PDE10A: variants seen among roughly 807,000 people sequenced by gnomAD.
PDE10A encodes the protein cAMP and cAMP-inhibited cGMP 3',5'-cyclic phosphodiesterase 10A.
In PDE10A, 39 loss-of-function variants were observed where a neutral mutation model predicts 97.7. That is an observed-to-expected ratio of 0.40 (90% CI 0.31 to 0.52). The LOEUF (loss-of-function observed/expected upper bound fraction) is 0.52, where lower values mean the gene tolerates loss of function less well. Among genes scored for constraint, PDE10A ranks in the 20% least tolerant of loss-of-function variants. The pLI, the probability that PDE10A is intolerant of heterozygous loss-of-function variation, is 0.56. For missense variants in PDE10A, 731 were observed against 1,047.8 expected, an observed-to-expected ratio of 0.70 and a Z score of 4.17; for synonymous variants, 371 against 376.8, an observed-to-expected ratio of 0.98 and a Z score of 0.18.
intron 4 of PDE10A, among the ~76,000 whole-genome samples, chr6:165,449,737 AAAAC>A (rs1183573512): frequency 1.3e-5 from 2 of 152,208 alleles, no homozygotes; most frequent in African/African-American, 4.8e-5. Context: ...TTCAAATTAA[AAAAC>A]AAAAGATACA....
chr6:165,372,005 A>T (rs1255338601), intron 18 of PDE10A, among the ~76,000 whole-genome samples: 1 of 150,544 alleles, frequency 6.6e-6, no homozygotes, highest in Non-Finnish European at 1.5e-5. Context: ...GCTGCAGAAA[A>T]GGCCTTTGAC....
chr6:165,435,429 C>T (rs928292278), intron 5 of PDE10A, 52 bp from the exon 6 acceptor site: 3 of 1,462,890 alleles, frequency 2.1e-6, no homozygotes, highest in Non-Finnish European at 2.8e-6. Flanking sequence ...GTGCATAGTA[C>T]AAAAAGACAC....
At chr6:165,455,644 G>A (rs576922239) in intron 3 of PDE10A, among the ~76,000 whole-genome samples, 4 of 152,266 alleles carry the variant, frequency 2.6e-5, no homozygotes, top group Admixed American at 2.0e-4. Flanking sequence ...TGAGAGCCTC[G>A]GCTGTAGAAG....
At position 165,671,240 on chromosome 6, in the gene PDE10A, CT is replaced by C. The variant is rs1183582734; in HGVS notation, c.-614-127673del. ...TCTGGTGATAGGCTAGAGTGAAACC[CT>C]CTTCTGTTTTTTTAACTACCTTGAT... is the stretch of plus-strand genomic sequence containing the variant. On this transcript the variant is annotated intron_variant, in intron 1 of 19. Transcript: ENST00000366882. The surrounding 1 kb of genome is among the most constrained non-coding windows in gnomAD (Gnocchi z 4.6). Among the ~76,000 whole-genome samples the C allele has an allele frequency of 6.6e-6, 1 of 151,936 alleles. No individual in the cohort carries two copies. The highest frequency in any genetic ancestry group is 1.5e-5 in the Non-Finnish European group (1 of 67,996).
chr6:165,547,994 T>C (rs940332378), intron 1 of PDE10A, among the ~76,000 whole-genome samples: 34 of 152,168 alleles, frequency 2.2e-4, no homozygotes, highest in African/African-American at 8.2e-4. Flanking sequence ...TGTATAAATA[T>C]ACATTTAAAA....
intron 1 of PDE10A, among the ~76,000 whole-genome samples, chr6:165,892,091 G>A (rs1029197598): frequency 6.6e-6 from 1 of 152,106 alleles, no homozygotes; most frequent in Non-Finnish European, 1.5e-5. Flanking sequence ...GAAGGAAAAA[G>A]TATTTATACA....
chr6:165,445,488 C>A (rs1339010884), intron 5 of PDE10A, among the ~76,000 whole-genome samples: 1 of 152,126 alleles, frequency 6.6e-6, no homozygotes, highest in Non-Finnish European at 1.5e-5. Context: ...AAAGTTGGGG[C>A]CTTTCTGTGA....
At chr6:165,386,982 C>T (rs898142924) in intron 17 of PDE10A, among the ~76,000 whole-genome samples, 5 of 151,982 alleles carry the variant, frequency 3.3e-5, no homozygotes, top group African/African-American at 1.2e-4. Context: ...CGCCACTGCA[C>T]TCCAGCCTGG....
chr6:165,367,687 G>A (rs1042910326), intron 18 of PDE10A, among the ~76,000 whole-genome samples: 26 of 150,476 alleles, frequency 1.7e-4, no homozygotes, highest in African/African-American at 6.3e-4. Flanking sequence ...GAGGCCAGAA[G>A]ACCATTTACT....
intron 20 of PDE10A, among the ~76,000 whole-genome samples, chr6:165,338,457 C>T (rs564970444): frequency 6.6e-6 from 1 of 152,280 alleles, no homozygotes; most frequent in Admixed American, 6.5e-5. Context: ...CACACATACA[C>T]ATGTGCAAAA....
intron 13 of PDE10A, among the ~76,000 whole-genome samples, chr6:165,397,195 G>A (rs1245300918): frequency 6.6e-6 from 1 of 152,086 alleles, no homozygotes; most frequent in Admixed American, 6.6e-5. Context: ...ATTAATATGT[G>A]AGATAAAACA....
intron 2 of PDE10A, among the ~76,000 whole-genome samples, chr6:165,501,002 T>G (rs933103607): frequency 2.0e-5 from 3 of 151,968 alleles, no homozygotes; most frequent in Admixed American, 6.6e-5. Flanking sequence ...CTGCTGACCC[T>G]CTCCCCACTA....
chr6:165,963,883 A>C (rs1422192248), intron 1 of PDE10A, among the ~76,000 whole-genome samples: 1 of 152,064 alleles, frequency 6.6e-6, no homozygotes, highest in Non-Finnish European at 1.5e-5. Context: ...CACCTGCCAA[A>C]CTCTGACTGA....
At chr6:165,508,846 T>C (rs1781350534) in intron 2 of PDE10A, among the ~76,000 whole-genome samples, 1 of 152,076 alleles carries the variant, frequency 6.6e-6, no homozygotes, top group Non-Finnish European at 1.5e-5. Context: ...AGTATGTTTA[T>C]ACAGTTGTGA....
chr6:165,889,884 A>C (rs1392680299), intron 1 of PDE10A, among the ~76,000 whole-genome samples: 371 of 35,178 alleles, frequency 0.011, 1 homozygote, highest in Middle Eastern at 0.056. Context: ...CTCCTCCCTC[A>C]CTCACTCCTC....
chr6:165,656,179 C>T (rs1789947344), intron 1 of PDE10A, among the ~76,000 whole-genome samples: 1 of 151,436 alleles, frequency 6.6e-6, no homozygotes, highest in South Asian at 2.1e-4. Flanking sequence ...AATTCTCATA[C>T]TTCCCATTCT....
chr6:165,567,993 CATTTTT>C (rs1390233436), intron 1 of PDE10A, among the ~76,000 whole-genome samples: 1 of 115,602 alleles, frequency 8.7e-6, no homozygotes, highest in Non-Finnish European at 1.7e-5. Context: ...CGCAACAAGG[CATTTTT>C]TTTTTTTTTT....
intron 1 of PDE10A, among the ~76,000 whole-genome samples, chr6:165,717,024 A>G (rs572267320): frequency 1.3e-5 from 2 of 152,228 alleles, no homozygotes; most frequent in African/African-American, 4.8e-5. Context: ...TCTGAAAACC[A>G]CTATTCTGCC....
At chr6:165,843,290 G>A (rs1268607348) in intron 1 of PDE10A, among the ~76,000 whole-genome samples, 1 of 152,178 alleles carries the variant, frequency 6.6e-6, no homozygotes, top group African/African-American at 2.4e-5. Context: ...ATTCTGGACA[G>A]AGTGGAAGCG....
Sources: gnomAD v4.1 joint callset for allele counts (sites outside exome capture counted in the v4.1 genomes callset) on GRCh38, gnomAD v4.1.1 for gene constraint, Gnocchi (gnomAD v3.1) non-coding constraint, MANE v1.5 for transcripts, NCBI Gene and HGNC (gene_info 2026-07-23, HGNC 2026-07-21) for gene names.